TRPM7: variants seen among roughly 807,000 people sequenced by gnomAD.
The protein encoded by TRPM7 is transient receptor potential cation channel subfamily M member 7, also known as LTRPC ion channel family member 7.
TRPM7 carries 134 observed loss-of-function variants against 229.7 expected under a neutral mutation model. The observed-to-expected ratio is 0.58, with a 90% CI of 0.51 to 0.67. The LOEUF (loss-of-function observed/expected upper bound fraction) is 0.67. Among genes scored for constraint, TRPM7 ranks in the 30% least tolerant of loss-of-function variants. The pLI is 0.00. For missense variants in TRPM7, 1,901 were observed against 2,210.0 expected (o/e 0.86, Z 2.80); for synonymous variants, 699 against 715.2 (o/e 0.98, Z 0.36).
At position 50,559,610 on chromosome 15, in the gene TRPM7, T is replaced by A. The variant is rs2053235105; in HGVS notation, c.*2068A>T. On this transcript the variant is annotated 3_prime_UTR_variant, in exon 39 of 39. Transcript: ENST00000646667. Reference sequence around the variant, plus strand: ...ACTTATTATTAAATAAACGTAAGAATCTTATGGACGTTACTTTACCTCTCT... The same window carrying A: ...ACTTATTATTAAATAAACGTAAGAAACTTATGGACGTTACTTTACCTCTCT... The A allele has an allele frequency of 6.6e-6, 1 of 152,142 alleles. No homozygotes were observed. Among genetic ancestry groups the A allele is most frequent in the Non-Finnish European group, 1.5e-5 (1 of 68,046 alleles). The allele number at this position is 152,142 out of a possible 1,614,324, so 9.4% of individuals were successfully genotyped here.
At chr15:50,653,151 C>A (rs1315385439) in intron 3 of TRPM7, among the ~76,000 whole-genome samples, 1 of 152,004 alleles carries the variant, frequency 6.6e-6, no homozygotes, top group African/African-American at 2.4e-5. Flanking sequence ...TTCCCCACTC[C>A]CCCCAAAAAG....
intron 1 of TRPM7, among the ~76,000 whole-genome samples, chr15:50,681,748 T>C (rs1183235306): frequency 2.6e-5 from 4 of 152,216 alleles, no homozygotes; most frequent in Non-Finnish European, 1.5e-5. Context: ...GCTGGATAGT[T>C]AAGGTGTTAT....
In TRPM7 at chr15:50,623,901, A is replaced by G. The variant is rs7163283; in HGVS notation, c.1440+265T>C. On this transcript the variant is annotated intron_variant, in intron 12 of 38. Coordinates refer to ENST00000646667, the MANE Select transcript of TRPM7 (RefSeq NM_017672.6). Reference sequence around the variant, plus strand: ...TTAAGAAGTTGATCCTCTAGTTTTGATAAGGGGAGGGAAAGGGAAATACAC... The same window carrying G: ...TTAAGAAGTTGATCCTCTAGTTTTGGTAAGGGGAGGGAAAGGGAAATACAC... 0.59 allele frequency among the ~76,000 whole-genome samples: 90,008 copies of G among 151,856 alleles called. 26,964 individuals carry two copies. Among genetic ancestry groups the G allele is most frequent in the African/African-American group, 0.67 (27,555 of 41,406 alleles).
chr15:50,610,262 A>T (rs1347620662), intron 17 of TRPM7, among the ~76,000 whole-genome samples: 3 of 152,096 alleles, frequency 2.0e-5, no homozygotes, highest in Non-Finnish European at 4.4e-5. Flanking sequence ...TCAGATTACA[A>T]TTTGTTCAAA....
intron 27 of TRPM7, among the ~76,000 whole-genome samples, chr15:50,589,137 C>T (rs2059417573): frequency 6.6e-6 from 1 of 152,058 alleles, no homozygotes; most frequent in Non-Finnish European, 1.5e-5. Context: ...GCCTGGACAA[C>T]ATGGTAAAAC....
At chr15:50,596,633 A>C (rs1258450024) in intron 22 of TRPM7, among the ~76,000 whole-genome samples, 1 of 152,204 alleles carries the variant, frequency 6.6e-6, no homozygotes, top group Non-Finnish European at 1.5e-5. Flanking sequence ...ATTCCAGAAA[A>C]GAAAGTATAT....
At chr15:50,665,547 TATA>T (rs2061858175) in intron 1 of TRPM7, among the ~76,000 whole-genome samples, 6 of 152,202 alleles carry the variant, frequency 3.9e-5, no homozygotes, top group Admixed American at 3.9e-4. Flanking sequence ...CAACACTTTA[TATA>T]ACTTGAGGAT....
chr15:50,682,270 CA>C (rs887162891), intron 1 of TRPM7, among the ~76,000 whole-genome samples: 3 of 150,768 alleles, frequency 2.0e-5, no homozygotes, highest in Admixed American at 1.3e-4. Context: ...CTCCACACAC[CA>C]AAATTCCTTT....
rs1399293480 is a variant in TRPM7, at chr15:50,643,456, T to C, written c.419A>G (p.His140Arg). The C allele has an allele frequency of 1.9e-6, 3 of 1,614,054 alleles. No homozygotes were observed. The highest frequency in any genetic ancestry group is 2.2e-5 in the East Asian group (1 of 44,892). Residue 140 changes from histidine to arginine, a missense_variant, in exon 5 of 39, where the codon CAT (histidine) becomes CGT (arginine). Coordinates refer to ENST00000646667, the MANE Select transcript of TRPM7 (RefSeq NM_017672.6). Reference protein sequence around the residue: ...MELPKLVISVHGGMQKFELHP... With the variant: ...MELPKLVISVRGGMQKFELHP... ...AAGCTCAAATTTCTGCATGCCCCCATGTACAGAGATAACAAGTTTGGGTAA... is the reference window on the plus strand; with the variant it reads ...AAGCTCAAATTTCTGCATGCCCCCACGTACAGAGATAACAAGTTTGGGTAA...
chr15:50,660,701 T>C (rs975865989), intron 2 of TRPM7, among the ~76,000 whole-genome samples: 13 of 152,226 alleles, frequency 8.5e-5, no homozygotes, highest in Non-Finnish European at 1.5e-4. Context: ...TTGATGGTGA[T>C]GGAAAATGTT....
intron 1 of TRPM7, among the ~76,000 whole-genome samples, chr15:50,678,736 T>A (rs1482883317): frequency 1.3e-5 from 2 of 151,976 alleles, no homozygotes; most frequent in African/African-American, 4.8e-5. Context: ...TTCTATATAT[T>A]TAAAAACTTA....
chr15:50,624,373 CT>C, intron 11 of TRPM7, 73 bp from the exon 12 acceptor site: 2 of 1,279,010 alleles, frequency 1.6e-6, no homozygotes, highest in Non-Finnish European at 2.1e-6. Flanking sequence ...ATGTTAAGTC[CT>C]TAGGATTTAC....
At chr15:50,672,861 TGCACTCCA>T (rs1433619449) in intron 1 of TRPM7, among the ~76,000 whole-genome samples, 4 of 117,036 alleles carry the variant, frequency 3.4e-5, no homozygotes. Flanking sequence ...AGTGAGCCAC[TGCACTCCA>T]GCCAGGGTGA....
chr15:50,599,158 TC>T lies in TRPM7; in HGVS notation c.3126del (p.Trp1042Ter). ...LAKDIVFHPY[W>X]MIFGEVYAYE... ...TATGCATAAACTTCACCAAAAATCATCCAGTATGGGTGAAAAACTATATCTT... is the reference window on the plus strand; with the variant it reads ...TATGCATAAACTTCACCAAAAATCATCAGTATGGGTGAAAAACTATATCTT... On this transcript the variant is annotated frameshift_variant, in exon 22 of 39. Coordinates refer to ENST00000646667, the MANE Select transcript of TRPM7 (RefSeq NM_017672.6). LOFTEE classifies it high-confidence loss of function. The T allele has an allele frequency of 6.2e-7, 1 of 1,611,594 alleles. No homozygotes were observed. Among genetic ancestry groups the T allele is most frequent in the Non-Finnish European group, 8.5e-7 (1 of 1,178,964 alleles).
chr15:50,589,844 C>T (rs1401177098), intron 26 of TRPM7, among the ~76,000 whole-genome samples, 188 bp from the exon 27 acceptor site: 1 of 106,040 alleles, frequency 9.4e-6, no homozygotes, highest in Non-Finnish European at 2.1e-5. Flanking sequence ...GTGAAGGTTA[C>T]AGTTTTTTTT....
chr15:50,655,987 C>G (rs1012129840), intron 3 of TRPM7, among the ~76,000 whole-genome samples: 11 of 143,266 alleles, frequency 7.7e-5, no homozygotes, highest in African/African-American at 2.8e-4. Flanking sequence ...GGGCAAGACT[C>G]CATCTCAAAA....
chr15:50,629,573 C>A (rs1419794423), intron 10 of TRPM7, among the ~76,000 whole-genome samples: 1 of 135,056 alleles, frequency 7.4e-6, no homozygotes, highest in Non-Finnish European at 1.6e-5. Flanking sequence ...TCCATATTTT[C>A]TCTAAGCATT....
intron 11 of TRPM7, among the ~76,000 whole-genome samples, chr15:50,627,536 T>C (rs1370577439): frequency 2.6e-5 from 4 of 152,142 alleles, no homozygotes; most frequent in South Asian, 2.1e-4. Flanking sequence ...AGGATAGTAG[T>C]AGCATGTAAG....
At chr15:50,575,836 A>C in intron 32 of TRPM7, 33 bp downstream of exon 32, 1 of 1,611,502 alleles carries the variant, frequency 6.2e-7, no homozygotes, top group East Asian at 2.2e-5. Flanking sequence ...AAGGTCCAAA[A>C]TGCTATTAAA....
Sources: gnomAD v4.1 joint callset for allele counts (sites outside exome capture counted in the v4.1 genomes callset) on GRCh38, gnomAD v4.1.1 for gene constraint, MANE v1.5 for transcripts, NCBI Gene and HGNC (gene_info 2026-07-23, HGNC 2026-07-21) for gene names.